Variants in MAGI2 observed in about 807,000 individuals in gnomAD.
The protein encoded by MAGI2 is membrane associated guanylate kinase, WW and PDZ domain containing 2.
MAGI2 carries 35 observed loss-of-function variants against 133.3 expected under a neutral mutation model. The observed-to-expected ratio is 0.26, with a 90% confidence interval of 0.20 to 0.35. MAGI2 has a LOEUF of 0.35. Ranked by LOEUF, MAGI2 falls within the 10% of genes least tolerant of loss-of-function variation. MAGI2 has a pLI of 1.00. For synonymous variants in MAGI2, 729 were observed against 710.6 expected, an observed-to-expected ratio of 1.03 and a Z score of -0.41; for missense variants, 1,636 against 1,863.4, an observed-to-expected ratio of 0.88 and a Z score of 2.25.
intron 12 of MAGI2, among the ~76,000 whole-genome samples, chr7:78,188,359 T>G (rs1165022007): frequency 6.6e-6 from 1 of 152,186 alleles, no homozygotes; most frequent in Non-Finnish European, 1.5e-5. Context: ...TGTGATATAT[T>G]AGAAAATCCA....
intron 3 of MAGI2, chr7:78,617,990 T>C (rs1286633348): frequency 6.6e-6 from 1 of 152,032 alleles, no homozygotes; most frequent in Non-Finnish European, 1.5e-5. Flanking sequence ...GGTTTTCTTT[T>C]TCAGATTTTA....
At chr7:78,482,438 G>C (rs1174497484) in intron 6 of MAGI2, among the ~76,000 whole-genome samples, 1 of 151,854 alleles carries the variant, frequency 6.6e-6, no homozygotes, top group Non-Finnish European at 1.5e-5. Context: ...ATAAAAACCT[G>C]TATGCAAACA....
chr7:79,031,672 A>G (rs1227429803), intron 1 of MAGI2, among the ~76,000 whole-genome samples: 1 of 152,194 alleles, frequency 6.6e-6, no homozygotes, highest in African/African-American at 2.4e-5. Flanking sequence ...GTGTCTTTAT[A>G]AACAAAAAGT....
chr7:78,974,482 A>G (rs1562737858), intron 2 of MAGI2, among the ~76,000 whole-genome samples: 1 of 151,954 alleles, frequency 6.6e-6, no homozygotes, highest in Non-Finnish European at 1.5e-5. Context: ...AAAAAGTTTC[A>G]TAATTTTCAG....
At chr7:78,967,649 T>G (rs1803442816) in intron 2 of MAGI2, among the ~76,000 whole-genome samples, 1 of 151,936 alleles carries the variant, frequency 6.6e-6, no homozygotes, top group African/African-American at 2.4e-5. Context: ...AGAAGTCCAA[T>G]TTCATTCTTT....
At chr7:78,553,170 G>C (rs1205006080) in intron 3 of MAGI2, among the ~76,000 whole-genome samples, 1 of 151,594 alleles carries the variant, frequency 6.6e-6, no homozygotes, top group East Asian at 1.9e-4. Context: ...AACGGCCTAG[G>C]TTTTACAAGG....
chr7:79,012,563 T>A (rs1289215436), intron 1 of MAGI2, among the ~76,000 whole-genome samples: 2 of 152,266 alleles, frequency 1.3e-5, no homozygotes, highest in East Asian at 3.9e-4. Context: ...TCTAAAGCAA[T>A]GTGTTTTTAA....
At chr7:79,130,445 T>G (rs568344873) in intron 1 of MAGI2, among the ~76,000 whole-genome samples, 1 of 152,346 alleles carries the variant, frequency 6.6e-6, no homozygotes, top group South Asian at 2.1e-4. Context: ...CTTTTGCAGG[T>G]GCAATGCTGC....
chr7:78,360,585 A>C (rs1792671841), intron 7 of MAGI2, among the ~76,000 whole-genome samples: 1 of 152,234 alleles, frequency 6.6e-6, no homozygotes. Context: ...CAAATAATAG[A>C]ATAATCATCA....
rs1297634854 is a variant in MAGI2 at position 78,078,934 on chromosome 7, A to C, written c.3706+13T>G. ...AGGAAGAGCAAAAGGGTGAATTAAA[A>C]CGTGAAACGTACCATATTCTGGGAC... On this transcript the variant is annotated intron_variant, in intron 21 of 21. Coordinates refer to ENST00000354212, the MANE Select transcript of MAGI2 (RefSeq NM_012301.4). 1.7e-5 allele frequency: 28 copies of C among 1,612,332 alleles called. No individual in the cohort carries two copies. The highest frequency in any genetic ancestry group is 2.3e-5 in the Non-Finnish European group (27 of 1,179,702).
At chr7:79,391,508 C>CATATATATATATATAT (rs1286692402) in intron 1 of MAGI2, among the ~76,000 whole-genome samples, 2 of 69,208 alleles carry the variant, frequency 2.9e-5, no homozygotes, top group Non-Finnish European at 4.8e-5. Flanking sequence ...TATATATAGA[C>CATATATATATATATAT]ATATATATAT....
chr7:79,033,469 G>A (rs1359434711), intron 1 of MAGI2, among the ~76,000 whole-genome samples: 1 of 147,968 alleles, frequency 6.8e-6, no homozygotes, highest in Non-Finnish European at 1.5e-5. Flanking sequence ...GTCTATGTCT[G>A]TGTAAGATGT....
intron 3 of MAGI2, among the ~76,000 whole-genome samples, chr7:78,604,995 C>T (rs532118810): frequency 1.3e-5 from 2 of 152,172 alleles, no homozygotes; most frequent in Non-Finnish European, 1.5e-5. Context: ...ACCTCCATTT[C>T]CTTGCTCTCA....
chr7:78,869,693 A>G (rs544287939), intron 2 of MAGI2, among the ~76,000 whole-genome samples: 66 of 152,314 alleles, frequency 4.3e-4, no homozygotes, highest in African/African-American at 1.6e-3. Flanking sequence ...TTATGAAGCC[A>G]TCAGATCTCA....
At chr7:78,879,740 G>A (rs1004033863) in intron 2 of MAGI2, among the ~76,000 whole-genome samples, 1 of 151,806 alleles carries the variant, frequency 6.6e-6, no homozygotes, top group Non-Finnish European at 1.5e-5. Context: ...AAACTGGAAT[G>A]GAAACTCAGA....
At chr7:78,667,497 G>A (rs376196759) in intron 2 of MAGI2, among the ~76,000 whole-genome samples, 10 of 151,378 alleles carry the variant, frequency 6.6e-5, no homozygotes, top group African/African-American at 1.7e-4. Context: ...CCATTAACTC[G>A]TTATTTAGCA....
chr7:78,828,670 T>G (rs1034588814), intron 2 of MAGI2, among the ~76,000 whole-genome samples: 1 of 152,172 alleles, frequency 6.6e-6, no homozygotes, highest in African/African-American at 2.4e-5. Flanking sequence ...TATTCGTCCA[T>G]TAATTATGAT....
In MAGI2 at chr7:78,728,777, G is replaced by T. The variant is rs1177743443; in HGVS notation, c.419-101538C>A. ...AGACGGGGTTTCACCGTTTTAGCCG[G>T]GATGGTCTCGATCTCCTGACCTCGT... is the stretch of plus-strand genomic sequence containing the variant. On this transcript the variant is annotated intron_variant, in intron 2 of 21. Coordinates refer to ENST00000354212, the MANE Select transcript of MAGI2 (RefSeq NM_012301.4). Among the ~76,000 whole-genome samples the T allele has an allele frequency of 7.8e-5, 10 of 127,436 alleles. 1 individual carries two copies. The highest frequency in any genetic ancestry group is 8.6e-5 in the Non-Finnish European group (5 of 58,266). 83.6% of individuals were successfully genotyped at this position (127,436 alleles called of 152,430 possible). A position where few individuals can be genotyped will look rare whatever the true frequency, so the allele number is the denominator to read the frequency against.
chr7:78,970,976 C>T (rs1040689985), intron 2 of MAGI2, among the ~76,000 whole-genome samples: 2 of 152,012 alleles, frequency 1.3e-5, no homozygotes, highest in Non-Finnish European at 2.9e-5. Flanking sequence ...GTTTTGGGGT[C>T]TCGTACTTTC....
Sources: allele counts gnomAD v4.1 joint callset (sites outside exome capture counted in the v4.1 genomes callset), GRCh38; gene constraint gnomAD v4.1.1; transcripts MANE v1.5; gene names NCBI Gene and HGNC (gene_info 2026-07-23, HGNC 2026-07-21).